IFT81: variants seen among roughly 807,000 people sequenced by gnomAD.
IFT81 encodes intraflagellar transport protein 81 homolog.
In IFT81, 72 loss-of-function variants were observed where a neutral mutation model predicts 102.6. The ratio of observed to expected loss-of-function variants is 0.70; its 90% CI spans 0.58 to 0.85. The LOEUF is 0.85. Ranked by LOEUF, IFT81 falls within the 40% of genes least tolerant of loss-of-function variation. The pLI is 0.00. For missense variants in IFT81, 723 were observed against 787.3 expected (o/e 0.92, Z 0.98); for synonymous variants, 237 against 242.7 (o/e 0.98, Z 0.22).
chr12:110,150,994 T>C (rs2137391424), intron 10 of IFT81, among the ~76,000 whole-genome samples: 1 of 152,284 alleles, frequency 6.6e-6, no homozygotes, highest in African/African-American at 2.4e-5. Context: ...GAAAAAATTT[T>C]GTTCCTTTTT....
At chr12:110,203,590 T>A in intron 14 of IFT81, 1 of 345,774 alleles carries the variant, frequency 2.9e-6, no homozygotes, top group South Asian at 3.1e-5. Flanking sequence ...GAACATTACT[T>A]GAGAGGAAGA....
chr12:110,126,457 G>C (rs188912051), intron 1 of IFT81, among the ~76,000 whole-genome samples: 2 of 151,980 alleles, frequency 1.3e-5, no homozygotes, highest in African/African-American at 4.8e-5. Flanking sequence ...TGGTTGGGGG[G>C]GTTTGTGCCT....
At chr12:110,176,297 A>T (rs1897031974) in intron 11 of IFT81, among the ~76,000 whole-genome samples, 1 of 152,006 alleles carries the variant, frequency 6.6e-6, no homozygotes, top group Admixed American at 6.6e-5. Flanking sequence ...GTACCCCGCC[A>T]TGCCTCTATG....
intron 12 of IFT81, among the ~76,000 whole-genome samples, chr12:110,181,534 G>A (rs954075575): frequency 6.6e-6 from 1 of 152,070 alleles, no homozygotes; most frequent in African/African-American, 2.4e-5. Context: ...CCCAGCATAC[G>A]GTCTGTTTTG....
At chr12:110,191,467 G>C (rs150065210) in intron 13 of IFT81, among the ~76,000 whole-genome samples, 1 of 151,866 alleles carries the variant, frequency 6.6e-6, no homozygotes, top group Non-Finnish European at 1.5e-5. Context: ...CACTACACCC[G>C]GTCTCATCTG....
chr12:110,207,556 CTTTTTTTTTTTTTTT>C (rs896586216), intron 17 of IFT81, among the ~76,000 whole-genome samples: 1 of 97,226 alleles, frequency 1.0e-5, no homozygotes, highest in African/African-American at 4.0e-5. Flanking sequence ...GTCCTTCAGT[CTTTTTTTTTTTTTTT>C]TTTTTTTTTG....
At position 110,163,164 on chromosome 12, in the gene IFT81, C is replaced by G. The variant is rs927041487; in HGVS notation, c.1188+99C>G. On this transcript the variant is annotated intron_variant, in intron 11 of 18. Coordinates refer to ENST00000242591, the MANE Select transcript of IFT81 (RefSeq NM_014055.4). The stretch of plus-strand genomic sequence containing the variant: ...CTTAGTGTGAATGTTAATATTGGGA[C>G]GTTAATCTTATTTTATAAAACATAT... The G allele has an allele frequency of 6.1e-6, 5 of 819,816 alleles. No homozygotes were observed. In the South Asian group the frequency reaches 1.2e-4, roughly 20 times the overall value. 50.8% of individuals were successfully genotyped at this position (819,816 alleles called of 1,614,324 possible).
intron 10 of IFT81, among the ~76,000 whole-genome samples, chr12:110,157,957 CT>C (rs1895934334): frequency 6.6e-6 from 1 of 152,088 alleles, no homozygotes; most frequent in Non-Finnish European, 1.5e-5. Context: ...TTCATGAGTT[CT>C]TTGAGCATCT....
intron 15 of IFT81, chr12:110,204,380 T>C (rs77094999): frequency 0.022 from 3,414 of 156,044 alleles, 127 homozygotes; most frequent in African/African-American, 0.077. Flanking sequence ...TTATTCTTCA[T>C]AGGGAAGCCT....
In IFT81 at chr12:110,127,503, T is replaced by A; in HGVS notation, c.123T>A (p.Val41=). The stretch of plus-strand genomic sequence containing the variant: ...AACTATTACAAGTTCTCAGTGATGT[T>A]CTGGCTGAGATTGACCCAAAGGTAA... ...PMQLLQVLSD[V]LAEIDPKQLV... Residue 41 remains valine (V), a synonymous_variant, in exon 2 of 19, where the codon GTT becomes GTA. Coordinates refer to ENST00000242591, the MANE Select transcript of IFT81 (RefSeq NM_014055.4). 2 of 1,603,504 alleles carry A rather than the reference T, an allele frequency of 1.2e-6. No individual in the cohort carries two copies.
chr12:110,145,443 G>GTTT (rs111355149), intron 9 of IFT81, among the ~76,000 whole-genome samples: 1 of 137,718 alleles, frequency 7.3e-6, no homozygotes, highest in Non-Finnish European at 1.6e-5. Flanking sequence ...GGTTTTTTTT[G>GTTT]TTTTTTTTTT....
intron 8 of IFT81, among the ~76,000 whole-genome samples, chr12:110,139,095 G>A (rs921776297): frequency 6.6e-6 from 1 of 152,046 alleles, no homozygotes. Context: ...CAACATTTTA[G>A]GAGGCAAAGG....
chr12:110,208,246 G>A (rs1048917910), intron 17 of IFT81, among the ~76,000 whole-genome samples: 4 of 152,154 alleles, frequency 2.6e-5, no homozygotes, highest in Admixed American at 2.6e-4. Flanking sequence ...GCTCACACCT[G>A]TAATCCTAGC....
chr12:110,156,677 A>C (rs1032621099), intron 10 of IFT81, among the ~76,000 whole-genome samples: 1 of 151,940 alleles, frequency 6.6e-6, no homozygotes, highest in African/African-American at 2.4e-5. Flanking sequence ...TTGTATTTTT[A>C]GTAGAGATGG....
chr12:110,130,418 G>A (rs575048320), intron 4 of IFT81, among the ~76,000 whole-genome samples: 1 of 147,732 alleles, frequency 6.8e-6, no homozygotes, highest in African/African-American at 2.5e-5. Flanking sequence ...CAGGCTGGAT[G>A]GAGTGCAGTG....
At chr12:110,146,035 C>T (rs1895209209) in intron 9 of IFT81, among the ~76,000 whole-genome samples, 1 of 151,160 alleles carries the variant, frequency 6.6e-6, no homozygotes, top group Non-Finnish European at 1.5e-5. Flanking sequence ...TGGTCTCGAC[C>T]TCCTGACCTC....
intron 18 of IFT81, among the ~76,000 whole-genome samples, chr12:110,216,137 A>G (rs1339736896): frequency 6.6e-6 from 1 of 152,134 alleles, no homozygotes; most frequent in Non-Finnish European, 1.5e-5. Context: ...TACCAAGTAA[A>G]TACTTTTATT....
chr12:110,176,989 G>A (rs1897062104), intron 11 of IFT81, among the ~76,000 whole-genome samples: 2 of 152,330 alleles, frequency 1.3e-5, no homozygotes, highest in South Asian at 4.1e-4. Context: ...ACTTTTAATA[G>A]CATATATAGT....
At chr12:110,152,569 G>GT (rs923697037) in intron 10 of IFT81, among the ~76,000 whole-genome samples, 27 of 151,102 alleles carry the variant, frequency 1.8e-4, no homozygotes, top group African/African-American at 6.5e-4. Context: ...GGGTTGTTTG[G>GT]TTTTTTGTTG....
Sources: allele counts gnomAD v4.1 joint callset (sites outside exome capture counted in the v4.1 genomes callset), GRCh38; gene constraint gnomAD v4.1.1; transcripts MANE v1.5; gene names NCBI Gene and HGNC (gene_info 2026-07-23, HGNC 2026-07-21).